The following SORCS2 variants were observed in gnomAD, a reference collection of about 807,000 sequenced individuals.
The protein encoded by SORCS2 is sortilin related VPS10 domain containing receptor 2, also known as VPS10 domain-containing receptor SorCS2.
Under a neutral mutation model 141.6 loss-of-function variants are expected in SORCS2, and 100 were observed. The ratio of observed to expected loss-of-function variants is 0.71; its 90% CI spans 0.60 to 0.83. SORCS2 has a LOEUF of 0.83. SORCS2 is among the 40% of genes least tolerant of loss of function. The probability of loss-of-function intolerance (pLI) is 0.00; values close to 1 mark genes in which losing one functional copy is unlikely to be tolerated. For missense variants in SORCS2, 1,646 were observed against 1,560.2 expected, an observed-to-expected ratio of 1.05 and a Z score of -0.93; for synonymous variants, 789 against 676.9, an observed-to-expected ratio of 1.17 and a Z score of -2.57.
intron 3 of SORCS2, among the ~76,000 whole-genome samples, chr4:7,623,067 C>T (rs965143147): frequency 1.3e-5 from 2 of 152,032 alleles, no homozygotes; most frequent in African/African-American, 2.4e-5. Flanking sequence ...TACCTCCCAC[C>T]CCATCCCTTT....
rs144562344 is a variant in SORCS2, at chr4:7,621,539, A to ATG, written c.649-16775_649-16774dup. Among the ~76,000 whole-genome samples the ATG allele has an allele frequency of 8.3e-3, 1,189 of 142,974 alleles. 13 individuals are homozygous for ATG. Among genetic ancestry groups the ATG allele is most frequent in the African/African-American group, 0.029 (1,121 of 38,242 alleles). The allele number at this position is 142,974 out of a possible 152,430, so 93.8% of individuals were successfully genotyped here. On this transcript the variant is annotated intron_variant, in intron 3 of 26. Coordinates refer to ENST00000507866, the MANE Select transcript of SORCS2 (RefSeq NM_020777.3). ...TTTATGTGTGTGTCTATGTGTGAGT[A>ATG]TGTGTGTGTGTGTGTTTGTGTGTCT... is the stretch of plus-strand genomic sequence containing the variant.
chr4:7,216,832 A>G (rs1728381696), intron 1 of SORCS2, among the ~76,000 whole-genome samples: 1 of 152,154 alleles, frequency 6.6e-6, no homozygotes. Flanking sequence ...TTGGGGGCTG[A>G]GATCAGCCTG....
chr4:7,680,518 G>C (rs1375799045), intron 9 of SORCS2, among the ~76,000 whole-genome samples: 1 of 152,268 alleles, frequency 6.6e-6, no homozygotes, highest in Non-Finnish European at 1.5e-5. Context: ...TGGGCAAGAA[G>C]GAGCTGGCTC....
chr4:7,271,324 CT>C (rs1359309690), intron 1 of SORCS2, among the ~76,000 whole-genome samples: 2 of 152,230 alleles, frequency 1.3e-5, no homozygotes, highest in African/African-American at 4.8e-5. Flanking sequence ...AATTCAGCCC[CT>C]GTTCCTATTC....
intron 1 of SORCS2, among the ~76,000 whole-genome samples, chr4:7,240,725 T>C (rs529116984): frequency 6.6e-6 from 1 of 151,990 alleles, no homozygotes; most frequent in South Asian, 2.1e-4. Flanking sequence ...CTTGTAAACC[T>C]CCCCCTGAAG....
intron 2 of SORCS2, among the ~76,000 whole-genome samples, chr4:7,406,457 A>G (rs182183544): frequency 2.0e-5 from 3 of 146,532 alleles, no homozygotes; most frequent in Admixed American, 6.8e-5. Flanking sequence ...CTCATGGTTC[A>G]ATCTTGGTGG....
At chr4:7,320,282 C>G (rs764222955) in intron 1 of SORCS2, among the ~76,000 whole-genome samples, 37 of 152,172 alleles carry the variant, frequency 2.4e-4, no homozygotes, top group Non-Finnish European at 4.3e-4. Context: ...AAAGTAAGCT[C>G]AGAGAAAGGC....
At chr4:7,368,937 T>C (rs58318008) in intron 1 of SORCS2, among the ~76,000 whole-genome samples, 7,739 of 152,184 alleles carry the variant, frequency 0.051, 251 homozygotes, top group Middle Eastern at 0.16. Flanking sequence ...GCACGTGCTC[T>C]TCTCTGTGTG....
At chr4:7,554,059 T>C (rs749202164) in intron 3 of SORCS2, among the ~76,000 whole-genome samples, 2 of 151,878 alleles carry the variant, frequency 1.3e-5, no homozygotes, top group Non-Finnish European at 2.9e-5. Context: ...GTGTCACAAA[T>C]CAGAATGTTC....
At chr4:7,533,507 C>T (rs1161956040) in intron 3 of SORCS2, among the ~76,000 whole-genome samples, 2 of 152,210 alleles carry the variant, frequency 1.3e-5, no homozygotes. Context: ...GGCCTTCCAG[C>T]GGCTGCCCTT....
chr4:7,422,033 A>G (rs1180412168), intron 2 of SORCS2, among the ~76,000 whole-genome samples: 1 of 152,176 alleles, frequency 6.6e-6, no homozygotes, highest in Non-Finnish European at 1.5e-5. Context: ...ACACCGGTGC[A>G]GTCCAGCCTG....
Position 7,737,284 on chromosome 4 carries a change from C to T in SORCS2, c.3415+112C>T, listed in dbSNP as rs925285210. On this transcript the variant is annotated intron_variant, in intron 26 of 26. Coordinates refer to ENST00000507866, the MANE Select transcript of SORCS2 (RefSeq NM_020777.3). ...CGCTGGGCCGCTGGGGCCAGCAAAACGCTGGCCCAGCAGCCCTTGCCAGCG... is the reference window on the plus strand; with the variant it reads ...CGCTGGGCCGCTGGGGCCAGCAAAATGCTGGCCCAGCAGCCCTTGCCAGCG... The T allele has an allele frequency of 1.7e-4, 253 of 1,455,730 alleles. No individual in the cohort carries two copies. In the African/African-American group the frequency reaches 2.6e-3, roughly 15 times the overall value. 90.2% of individuals were successfully genotyped at this position (1,455,730 alleles called of 1,614,324 possible).
At chr4:7,470,022 T>A (rs1455346572) in intron 2 of SORCS2, among the ~76,000 whole-genome samples, 1 of 152,162 alleles carries the variant, frequency 6.6e-6, no homozygotes, top group African/African-American at 2.4e-5. Context: ...GGCCAGCAGG[T>A]CCAGTGTGTC....
chr4:7,387,525 A>G (rs1159895344), intron 1 of SORCS2, among the ~76,000 whole-genome samples: 1 of 147,990 alleles, frequency 6.8e-6, no homozygotes, highest in Non-Finnish European at 1.5e-5. Context: ...AGAGATACAT[A>G]TGCACACATG....
chr4:7,549,167 C>T (rs992120589), intron 3 of SORCS2, among the ~76,000 whole-genome samples: 12 of 152,208 alleles, frequency 7.9e-5, no homozygotes, highest in East Asian at 5.8e-4. Flanking sequence ...GCCCAGCAAG[C>T]GATGCTGCTC....
At chr4:7,205,937 C>A (rs1022852760) in intron 1 of SORCS2, among the ~76,000 whole-genome samples, 1 of 151,956 alleles carries the variant, frequency 6.6e-6, no homozygotes, top group Non-Finnish European at 1.5e-5. Context: ...TCCCAGCTAC[C>A]CGGGAGGCTG....
At chr4:7,700,711 C>A (rs1048459931) in intron 12 of SORCS2, among the ~76,000 whole-genome samples, 1 of 152,180 alleles carries the variant, frequency 6.6e-6, no homozygotes, top group African/African-American at 2.4e-5. Context: ...GCTCCACCCC[C>A]GGGGGCAGAC....
Position 7,396,268 on chromosome 4 carries a change from A to G in SORCS2, c.481-20A>G. The G allele has an allele frequency of 2.5e-6, 4 of 1,613,042 alleles. No homozygotes were observed. Among genetic ancestry groups the G allele is most frequent in the Non-Finnish European group, 3.4e-6 (4 of 1,179,376 alleles). ...TGGCACCCACTGATTTCTGCCTTTT[A>G]CTTTCTGTTAACACCACAGGTGATC... is the stretch of plus-strand genomic sequence containing the variant. On this transcript the variant is annotated intron_variant, in intron 1 of 26. Coordinates refer to ENST00000507866, the MANE Select transcript of SORCS2 (RefSeq NM_020777.3).
At chr4:7,348,254 T>G (rs1720749830) in intron 1 of SORCS2, among the ~76,000 whole-genome samples, 1 of 152,258 alleles carries the variant, frequency 6.6e-6, no homozygotes, top group Non-Finnish European at 1.5e-5. Context: ...TCTTCCAGCT[T>G]TCTCACAAGG....
Sources: allele counts gnomAD v4.1 joint callset (sites outside exome capture counted in the v4.1 genomes callset), GRCh38; gene constraint gnomAD v4.1.1; transcripts MANE v1.5; gene names NCBI Gene and HGNC (gene_info 2026-07-23, HGNC 2026-07-21).